Variants in KCTD5 observed in about 807,000 individuals in gnomAD.
KCTD5 encodes the protein BTB/POZ domain-containing protein KCTD5.
KCTD5 carries 12 observed loss-of-function variants against 27.9 expected under a neutral mutation model. That is an observed-to-expected ratio of 0.43 (90% CI 0.28 to 0.70). The LOEUF is 0.70. Ranked by LOEUF, KCTD5 falls within the 30% of genes least tolerant of loss-of-function variation. The pLI, the probability that KCTD5 is intolerant of heterozygous loss-of-function variation, is 0.19. For missense variants in KCTD5, 226 were observed against 274.8 expected, an observed-to-expected ratio of 0.82 and a Z score of 1.26; for synonymous variants, 147 against 121.4, an observed-to-expected ratio of 1.21 and a Z score of -1.39.
intron 1 of KCTD5, among the ~76,000 whole-genome samples, chr16:2,686,964 G>A (rs184234230): frequency 0.02 from 3,042 of 152,262 alleles, 87 homozygotes; most frequent in African/African-American, 0.069. Flanking sequence ...GGGTGTCTGC[G>A]ACGCTGATGG....
chr16:2,684,647 C>A (rs559158653), intron 1 of KCTD5: 1 of 152,302 alleles, frequency 6.6e-6, no homozygotes, highest in South Asian at 2.1e-4. Context: ...CACCTGTAGT[C>A]CCAGCTACTA....
At chr16:2,707,174 C>T (rs758961782) in intron 5 of KCTD5, 124 bp from the exon 6 acceptor site, 6 of 832,604 alleles carry the variant, frequency 7.2e-6, no homozygotes, top group South Asian at 3.4e-5. Flanking sequence ...TGGCCAGTGC[C>T]GCTGGGTTCC....
At chr16:2,686,987 G>A (rs1172093122) in intron 1 of KCTD5, among the ~76,000 whole-genome samples, 7 of 152,176 alleles carry the variant, frequency 4.6e-5, no homozygotes, top group African/African-American at 1.7e-4. Context: ...TTTGTTTCAC[G>A]CTTCAGTTGA....
At position 2,703,954 on chromosome 16, in the gene KCTD5, C is replaced by G. The variant is rs150621142; in HGVS notation, c.675+1476C>G. On this transcript the variant is annotated intron_variant, in intron 5 of 5. Transcript: ENST00000301738. ...TTCCTCTTGGAGCAATCGTAGGGCTCTTTTCTAAATGGTTTTATTTTTAGA... is the reference window on the plus strand; with the variant it reads ...TTCCTCTTGGAGCAATCGTAGGGCTGTTTTCTAAATGGTTTTATTTTTAGA... 3.3e-5 allele frequency among the ~76,000 whole-genome samples: 5 copies of G among 152,304 alleles called. No individual in the cohort carries two copies. The East Asian group carries it at 7.7e-4, about 24-fold the overall frequency.
At chr16:2,688,819 G>A (rs1174214593) in intron 1 of KCTD5, among the ~76,000 whole-genome samples, 1 of 39,376 alleles carries the variant, frequency 2.5e-5, no homozygotes, top group Non-Finnish European at 5.2e-5. Flanking sequence ...GGGCTTCCTG[G>A]GCAGCCCCCG....
At chr16:2,687,707 T>A (rs1596220011) in intron 1 of KCTD5, among the ~76,000 whole-genome samples, 1 of 152,170 alleles carries the variant, frequency 6.6e-6, no homozygotes, top group African/African-American at 2.4e-5. Flanking sequence ...GGACTCCTTT[T>A]CAGACACTTG....
At chr16:2,682,894 G>C in intron 1 of KCTD5, 94 bp downstream of exon 1, 1 of 1,414,516 alleles carries the variant, frequency 7.1e-7, no homozygotes, top group Non-Finnish European at 9.3e-7. Flanking sequence ...ACTTCAGCGG[G>C]AGCGGGCGAC....
intron 1 of KCTD5, among the ~76,000 whole-genome samples, chr16:2,691,840 C>T (rs896612647): frequency 1.3e-5 from 2 of 152,226 alleles, no homozygotes; most frequent in African/African-American, 4.8e-5. Context: ...CACGTGGGGT[C>T]CCCCGCGGTG....
chr16:2,697,829 G>A (rs890024043), intron 2 of KCTD5, 77 bp from the exon 3 acceptor site: 2 of 1,036,340 alleles, frequency 1.9e-6, no homozygotes, highest in African/African-American at 3.1e-5. Context: ...CAGGGGCAAG[G>A]GCAGGGGTGG....
intron 5 of KCTD5, among the ~76,000 whole-genome samples, chr16:2,705,648 A>G (rs1202192684): frequency 6.6e-6 from 1 of 152,098 alleles, no homozygotes; most frequent in East Asian, 1.9e-4. Flanking sequence ...CGTGTCCTGC[A>G]AGCCCCTCAG....
intron 3 of KCTD5, 64 bp downstream of exon 3, chr16:2,698,061 TC>T (rs971235795): frequency 4.8e-6 from 6 of 1,245,184 alleles, no homozygotes; most frequent in Non-Finnish European, 7.0e-6. Context: ...TCCCCTTTAC[TC>T]CCCCGACCGG....
At chr16:2,706,526 C>T (rs1239289786) in intron 5 of KCTD5, among the ~76,000 whole-genome samples, 2 of 152,178 alleles carry the variant, frequency 1.3e-5, no homozygotes. Flanking sequence ...TGGGAGTTCA[C>T]CTCAGCAGCA....
intron 1 of KCTD5, among the ~76,000 whole-genome samples, chr16:2,688,318 T>C (rs909876157): frequency 6.6e-6 from 1 of 151,326 alleles, no homozygotes; most frequent in Non-Finnish European, 1.5e-5. Context: ...TGGGGTGATC[T>C]CGGCTCACTG....
intron 1 of KCTD5, among the ~76,000 whole-genome samples, chr16:2,691,701 G>A (rs943204625): frequency 6.6e-6 from 1 of 152,166 alleles, no homozygotes; most frequent in Non-Finnish European, 1.5e-5. Flanking sequence ...CAGGTTCTTG[G>A]TAGACGCAGC....
chr16:2,702,558 G>C, intron 5 of KCTD5, 80 bp downstream of exon 5: 1 of 1,545,230 alleles, frequency 6.5e-7, no homozygotes, highest in African/African-American at 1.4e-5. Flanking sequence ...CTCCTTTTCT[G>C]CCATTCTCAT....
rs903352361 is a variant in KCTD5 at position 2,699,362 on chromosome 16, G to A, written c.454-459G>A. Reference sequence around the variant, plus strand: ...AGTTTTAGGAAGCAGCTCAGCCTTCGGGAGGCCCAAGTCCAGGCTGCCGCG... The same window carrying A: ...AGTTTTAGGAAGCAGCTCAGCCTTCAGGAGGCCCAAGTCCAGGCTGCCGCG... On this transcript the variant is annotated intron_variant, in intron 3 of 5. Transcript: ENST00000301738. The A allele has an allele frequency of 4.3e-5, 16 of 375,950 alleles. No homozygotes were observed. The East Asian group carries it at 4.4e-4, about 10-fold the overall frequency. 23.3% of individuals were successfully genotyped at this position (375,950 alleles called of 1,614,324 possible).
rs973678983 is a variant in KCTD5 at position 2,684,778 on chromosome 16, T to TA, written c.252+1988dup. 350 of 134,626 alleles carry TA rather than the reference T, an allele frequency of 2.6e-3. 1 individual carries two copies. The highest frequency in any genetic ancestry group is 4.0e-3 in the Non-Finnish European group (245 of 61,784). The allele number at this position is 134,626 out of a possible 1,614,324, so 8.3% of individuals were successfully genotyped here. The stretch of plus-strand genomic sequence containing the variant: ...AGACTCCATCACAAAAAAAAAAAAA[T>TA]AAAAAAAAAATAAGCCAGGTGTGGT... On this transcript the variant is annotated intron_variant, in intron 1 of 5. Transcript: ENST00000301738.
chr16:2,698,133 T>C lies in KCTD5; in HGVS notation c.453+136T>C, dbSNP rs897390484. Reference sequence around the variant, plus strand: ...CCTACCCTGAGACCCTTGTCCTCTGTCACTGCCCCAGTGCCTGCCAGCTCC... The same window carrying C: ...CCTACCCTGAGACCCTTGTCCTCTGCCACTGCCCCAGTGCCTGCCAGCTCC... On this transcript the variant is annotated intron_variant, in intron 3 of 5. Coordinates refer to ENST00000301738, the MANE Select transcript of KCTD5 (RefSeq NM_018992.4). 3.0e-5 allele frequency: 19 copies of C among 632,962 alleles called. No individual in the cohort carries two copies. In the African/African-American group the frequency reaches 3.5e-4, roughly 12 times the overall value. The allele number at this position is 632,962 out of a possible 1,614,324, so 39.2% of individuals were successfully genotyped here.
At chr16:2,705,591 G>A (rs1265122162) in intron 5 of KCTD5, among the ~76,000 whole-genome samples, 1 of 152,120 alleles carries the variant, frequency 6.6e-6, no homozygotes, top group African/African-American at 2.4e-5. Flanking sequence ...TATCTCAGCT[G>A]CCAAATCCTG....
Sources: gnomAD v4.1 joint callset for allele counts (sites outside exome capture counted in the v4.1 genomes callset) on GRCh38, gnomAD v4.1.1 for gene constraint, MANE v1.5 for transcripts, NCBI Gene and HGNC (gene_info 2026-07-23, HGNC 2026-07-21) for gene names.